ZNF208: variants seen among roughly 807,000 people sequenced by gnomAD.
ZNF208 encodes zinc finger protein 208.
ZNF208 carries 10 observed loss-of-function variants against 12.1 expected under a neutral mutation model. That is an observed-to-expected ratio of 0.83 (90% confidence interval 0.51 to 1.40). ZNF208 has a LOEUF of 1.40. Ranked by LOEUF, ZNF208 falls within the 40% of genes most tolerant of loss-of-function variation. The pLI is 0.00. For synonymous variants in ZNF208, 497 were observed against 488.4 expected, an observed-to-expected ratio of 1.02 and a Z score of -0.23; for missense variants, 1,652 against 1,485.0, an observed-to-expected ratio of 1.11 and a Z score of -1.85.
At chr19:21,989,020 A>G in intron 1 of ZNF208, 111 bp from the exon 2 acceptor site, 1 of 1,374,550 alleles carries the variant, frequency 7.3e-7, no homozygotes, top group Non-Finnish European at 9.9e-7. Context: ...TATAAGCATG[A>G]CTGAAATTAT....
At chr19:21,997,278 A>C (rs1432022411) in intron 1 of ZNF208, among the ~76,000 whole-genome samples, 2 of 152,238 alleles carry the variant, frequency 1.3e-5, no homozygotes, top group African/African-American at 2.4e-5. Flanking sequence ...CTAAATTCAC[A>C]TGGTAGTTGG....
intron 4 of ZNF208, among the ~76,000 whole-genome samples, chr19:21,945,282 T>C (rs917355339): frequency 6.6e-6 from 1 of 152,236 alleles, no homozygotes; most frequent in Non-Finnish European, 1.5e-5. Flanking sequence ...TCTCTCAAGA[T>C]GTACTGGGTA....
chr19:21,975,669 C>G (rs528239021), intron 3 of ZNF208, among the ~76,000 whole-genome samples: 29 of 151,714 alleles, frequency 1.9e-4, no homozygotes, highest in Admixed American at 7.2e-4. Context: ...AATGGATATA[C>G]TAATTTTAAA....
chr19:22,005,979 T>C (rs922530980), intron 1 of ZNF208, among the ~76,000 whole-genome samples: 4 of 152,220 alleles, frequency 2.6e-5, no homozygotes, highest in Admixed American at 2.6e-4. Flanking sequence ...CTCTGCATAT[T>C]TTCTTCTTCT....
Position 21,943,046 on chromosome 19 carries a change from T to A in ZNF208, c.306-9809A>T, listed in dbSNP as rs574058390. Among the ~76,000 whole-genome samples, 94 of 152,288 alleles carry A rather than the reference T, an allele frequency of 6.2e-4. 4 individuals are homozygous for A. The South Asian group carries it at 0.019, about 31-fold the overall frequency. Reference sequence around the variant, plus strand: ...ACTCGAAACGTAATATATCCAAAATTCTCCTGTTATTGTCTGAGAAAACAG... The same window carrying A: ...ACTCGAAACGTAATATATCCAAAATACTCCTGTTATTGTCTGAGAAAACAG... On this transcript the variant is annotated intron_variant, in intron 4 of 4. Coordinates refer to the ZNF208 transcript ENST00000599916.
Position 21,973,846 on chromosome 19 carries a change from G to C in ZNF208, c.1188C>G (p.Pro396=). Reference sequence around the variant, plus strand: ...CTTTGCCACATTCTTCACATTTGTAGGGTTTCTCTCCAGTATGAATTTTCT... The same window carrying C: ...CTTTGCCACATTCTTCACATTTGTACGGTTTCTCTCCAGTATGAATTTTCT... The part of the protein sequence containing the change: ...YHKKIHTGEK[P]YKCEECGKGF... Residue 396 remains proline (P), a synonymous_variant, in exon 4 of 4, where the codon CCC becomes CCG. Transcript: ENST00000397126. 6.2e-7 allele frequency: 1 copy of C among 1,613,450 alleles called. No individual in the cohort carries two copies. Among genetic ancestry groups the C allele is most frequent in the Non-Finnish European group, 8.5e-7 (1 of 1,179,864 alleles).
intron 4 of ZNF208, among the ~76,000 whole-genome samples, chr19:21,958,914 C>T (rs1283996567): frequency 6.6e-6 from 1 of 151,944 alleles, no homozygotes; most frequent in Non-Finnish European, 1.5e-5. Flanking sequence ...GAGTCAGTGC[C>T]TCATAACCAC....
downstream of ZNF208, among the ~76,000 whole-genome samples, chr19:21,961,238 G>A (rs12971688): frequency 0.33 from 49,581 of 152,000 alleles, 9,604 homozygotes; most frequent in East Asian, 0.5. Flanking sequence ...ATCACATGTC[G>A]GTAGGACTGT....
At chr19:21,987,154 G>T in intron 3 of ZNF208, 62 bp downstream of exon 3, 1 of 1,526,410 alleles carries the variant, frequency 6.6e-7, no homozygotes, top group Non-Finnish European at 8.9e-7. Flanking sequence ...TCACTTTAAG[G>T]ACTGGCTTCC....
chr19:21,982,157 A>G (rs1198528373), intron 3 of ZNF208, among the ~76,000 whole-genome samples: 1 of 152,004 alleles, frequency 6.6e-6, no homozygotes, highest in African/African-American at 2.4e-5. Context: ...GGAGATCGAG[A>G]TCATCCTGGC....
intron 1 of ZNF208, among the ~76,000 whole-genome samples, chr19:22,004,234 G>A (rs1040641806): frequency 4.6e-5 from 7 of 151,736 alleles, no homozygotes; most frequent in Non-Finnish European, 1.0e-4. Context: ...AACAAAATAT[G>A]GGCTGGGTAT....
At chr19:21,961,498 C>T (rs2145528393), downstream of ZNF208, among the ~76,000 whole-genome samples, 1 of 152,228 alleles carries the variant, frequency 6.6e-6, no homozygotes, top group East Asian at 1.9e-4. Flanking sequence ...ACATCCTAAA[C>T]AACAGAAAAT....
intron 4 of ZNF208, among the ~76,000 whole-genome samples, chr19:21,956,180 C>T (rs1479351054): frequency 2.0e-5 from 3 of 152,178 alleles, no homozygotes; most frequent in Non-Finnish European, 2.9e-5. Flanking sequence ...ATATTGCTGC[C>T]TGATCCTTCC....
Position 21,974,198 on chromosome 19 carries a change from T to A in ZNF208, c.836A>T (p.His279Leu), listed in dbSNP as rs780452267. Residue 279 changes from histidine to leucine, a missense_variant, in exon 4 of 4, where the codon CAT becomes CTT. This residue lies in a region of ZNF208 where 410 missense variants were observed against 378.2 expected (regional missense o/e 1.08). Transcript: ENST00000397126. Reference protein sequence around the residue: ...SAILTKHKIIHTGEKPNKCEE... With the variant: ...SAILTKHKIILTGEKPNKCEE... ...ACATTTGTTGGGTTTCTCTCCAGTA[T>A]GAATTATCTTATGTTTAGTAAGGAT... The A allele has an allele frequency of 6.2e-7, 1 of 1,603,066 alleles. No individual in the cohort carries two copies. Among genetic ancestry groups the A allele is most frequent in the Non-Finnish European group, 8.5e-7 (1 of 1,171,226 alleles).
intron 4 of ZNF208, among the ~76,000 whole-genome samples, chr19:21,943,903 C>T (rs914501986): frequency 2.0e-5 from 3 of 152,158 alleles, no homozygotes; most frequent in East Asian, 3.9e-4. Flanking sequence ...GGAATATTTA[C>T]AAACACAAAA....
chr19:21,989,118 T>C (rs997679765), intron 1 of ZNF208, among the ~76,000 whole-genome samples: 1 of 151,694 alleles, frequency 6.6e-6, no homozygotes, highest in Admixed American at 6.6e-5. Flanking sequence ...TCAAGTTTTA[T>C]GGTACATGTG....
In ZNF208 at chr19:21,968,703, A is replaced by G. The variant is rs1280027236; in HGVS notation, c.*2488T>C. Among the ~76,000 whole-genome samples the G allele has an allele frequency of 6.6e-6, 1 of 152,106 alleles. No individual in the cohort carries two copies. Among genetic ancestry groups the G allele is most frequent in the Non-Finnish European group, 1.5e-5 (1 of 68,020 alleles). The stretch of plus-strand genomic sequence containing the variant: ...GTTTCATATATTTCACTGATTTAAT[A>G]TAACAAGTTAGGGTGAAATCCCACC... On this transcript the variant is annotated 3_prime_UTR_variant, in exon 4 of 4. Coordinates refer to ENST00000397126, the MANE Select transcript of ZNF208 (RefSeq NM_007153.3).
intron 1 of ZNF208, among the ~76,000 whole-genome samples, chr19:21,999,724 C>T (rs1264885945): frequency 1.3e-5 from 2 of 151,534 alleles, no homozygotes; most frequent in Non-Finnish European, 1.5e-5. Context: ...TCTCAGGTCC[C>T]AGATAAAGAC....
intron 1 of ZNF208, among the ~76,000 whole-genome samples, chr19:21,995,290 C>A (rs1396900505): frequency 6.6e-6 from 1 of 152,132 alleles, no homozygotes; most frequent in East Asian, 1.9e-4. Context: ...GAAATGGAAG[C>A]AATTAGTTTA....
Sources: allele counts gnomAD v4.1 joint callset (sites outside exome capture counted in the v4.1 genomes callset), GRCh38; gene constraint gnomAD v4.1.1; regional missense constraint gnomAD v4.1.1; transcripts MANE v1.5; gene names NCBI Gene and HGNC (gene_info 2026-07-23, HGNC 2026-07-21).